The following RASSF3 variants were observed in gnomAD, a reference collection of about 807,000 sequenced individuals.
The protein encoded by RASSF3 is ras association domain-containing protein 3.
Under a neutral mutation model 19.9 loss-of-function variants are expected in RASSF3, and 19 were observed. The ratio of observed to expected loss-of-function variants is 0.96; its 90% CI spans 0.67 to 1.40. The LOEUF (loss-of-function observed/expected upper bound fraction) is 1.40, where lower values mean the gene tolerates loss of function less well. Among genes scored for constraint, RASSF3 ranks in the 40% most tolerant of loss-of-function variants. The pLI is 0.00. For missense variants in RASSF3, 306 were observed against 289.8 expected, an observed-to-expected ratio of 1.06 and a Z score of -0.41; for synonymous variants, 110 against 104.2, an observed-to-expected ratio of 1.06 and a Z score of -0.34.
intron 2 of RASSF3, among the ~76,000 whole-genome samples, chr12:64,590,773 A>T (rs1035543976): frequency 6.6e-6 from 1 of 152,186 alleles, no homozygotes; most frequent in Non-Finnish European, 1.5e-5. Context: ...GTAGTAGGTC[A>T]GCTGTGAGCA....
chr12:64,642,150 G>A (rs933835255), intron 1 of RASSF3, among the ~76,000 whole-genome samples: 1 of 152,094 alleles, frequency 6.6e-6, no homozygotes, highest in African/African-American at 2.4e-5. Flanking sequence ...TGTTCTGGTT[G>A]ACAGCTCACC....
At chr12:64,612,125 G>T (rs1452258290) in intron 1 of RASSF3, among the ~76,000 whole-genome samples, 1 of 152,130 alleles carries the variant, frequency 6.6e-6, no homozygotes, top group African/African-American at 2.4e-5. Flanking sequence ...AGTTGGAAAC[G>T]CCCTCTCCTC....
intron 1 of RASSF3, chr12:64,628,272 G>T (rs529006995): frequency 6.6e-6 from 1 of 152,182 alleles, no homozygotes; most frequent in South Asian, 2.1e-4. Flanking sequence ...TGTATATATT[G>T]CAGGAGTTAT....
At chr12:64,676,427 C>T (rs2136211872) in intron 1 of RASSF3, among the ~76,000 whole-genome samples, 1 of 150,662 alleles carries the variant, frequency 6.6e-6, no homozygotes, top group South Asian at 2.1e-4. Context: ...CCTTGGCCTC[C>T]CAAAGTGCTG....
chr12:64,578,465 G>A (rs529502491), intron 2 of RASSF3, among the ~76,000 whole-genome samples: 1 of 152,016 alleles, frequency 6.6e-6, no homozygotes, highest in South Asian at 2.1e-4. Context: ...ACCAGCCTAG[G>A]CAATATAGCA....
chr12:64,512,755 T>A (rs1212700246), intron 1 of RASSF3, among the ~76,000 whole-genome samples: 1 of 152,196 alleles, frequency 6.6e-6, no homozygotes, highest in Non-Finnish European at 1.5e-5. Context: ...AGGCAGACAG[T>A]CTAGCCCCTT....
At chr12:64,600,227 G>C (rs187882166) in intron 2 of RASSF3, among the ~76,000 whole-genome samples, 1 of 152,150 alleles carries the variant, frequency 6.6e-6, no homozygotes, top group African/African-American at 2.4e-5. Flanking sequence ...TGGAGGTAGA[G>C]GCAGGATTGC....
At chr12:64,530,295 C>G (rs932014635), upstream of RASSF3, among the ~76,000 whole-genome samples, 2 of 144,256 alleles carry the variant, frequency 1.4e-5, no homozygotes, top group Non-Finnish European at 3.0e-5. Context: ...GAATAGTATT[C>G]CAGTGCACAA....
chr12:64,514,200 T>TC (rs1473202392), intron 1 of RASSF3, among the ~76,000 whole-genome samples: 1 of 140,966 alleles, frequency 7.1e-6, no homozygotes, highest in East Asian at 2.1e-4. Flanking sequence ...TTTTTTTTTT[T>TC]TTTTTTTTTT....
At chr12:64,529,467 C>T (rs1403856713), upstream of RASSF3, among the ~76,000 whole-genome samples, 1 of 152,136 alleles carries the variant, frequency 6.6e-6, no homozygotes, top group Admixed American at 6.5e-5. Context: ...TCAATCAGAG[C>T]CAATCCTGGA....
chr12:64,585,092 G>T (rs953754025), intron 2 of RASSF3, among the ~76,000 whole-genome samples: 2 of 151,936 alleles, frequency 1.3e-5, no homozygotes, highest in Non-Finnish European at 2.9e-5. Context: ...CACCATGTTG[G>T]CCAGGATGGT....
chr12:64,620,009 G>C (rs12311754), intron 1 of RASSF3, among the ~76,000 whole-genome samples: 26,471 of 66,086 alleles, frequency 0.4, 2,703 homozygotes, highest in South Asian at 0.49. Context: ...ATTAGTGCAG[G>C]TTGACTGTGT....
Position 64,535,995 on chromosome 12 carries a change from CT to C in RASSF3, c.67+2682del, listed in dbSNP as rs11312626. 3.1e-3 allele frequency among the ~76,000 whole-genome samples: 324 copies of C among 104,474 alleles called. 1 individual carries two copies. The highest frequency in any genetic ancestry group is 0.02 in the East Asian group (67 of 3,388). The allele number at this position is 104,474 out of a possible 152,430, so 68.5% of individuals were successfully genotyped here. A position where few individuals can be genotyped will look rare whatever the true frequency, so the allele number is the denominator to read the frequency against. On this transcript the variant is annotated intron_variant, in intron 1 of 1. Transcript: ENST00000636333. Reference sequence around the variant, plus strand: ...AACCACCGCACCCAGCCTGTTTTCACTTTTTTTTTTTTTTTTTTTTTGAGAC... The same window carrying C: ...AACCACCGCACCCAGCCTGTTTTCACTTTTTTTTTTTTTTTTTTTTGAGAC...
At chr12:64,553,397 A>G (rs755003705) in intron 2 of RASSF3, among the ~76,000 whole-genome samples, 45 of 152,204 alleles carry the variant, frequency 3.0e-4, no homozygotes, top group Admixed American at 2.4e-3. Flanking sequence ...AAGTTTGCCA[A>G]TTGTGGTACT....
intron 2 of RASSF3, among the ~76,000 whole-genome samples, chr12:64,556,644 G>A (rs1056066300): frequency 4.6e-5 from 7 of 151,944 alleles, no homozygotes; most frequent in South Asian, 2.1e-4. Flanking sequence ...AGTTATGCTC[G>A]CCACAGCAGA....
intron 1 of RASSF3, among the ~76,000 whole-genome samples, chr12:64,511,536 G>T (rs570956501): frequency 6.6e-6 from 1 of 152,258 alleles, no homozygotes; most frequent in South Asian, 2.1e-4. Context: ...CATATAGGAT[G>T]AGCCCTAAGT....
Position 64,695,115 on chromosome 12 carries a change from C to T in RASSF3, c.*203C>T, listed in dbSNP as rs1167888808. On this transcript the variant is annotated 3_prime_UTR_variant, in exon 5 of 5. Transcript: ENST00000542104. The stretch of plus-strand genomic sequence containing the variant: ...TAAGGGACTCTGCAAGCTTGTTGTT[C>T]AGCACCGCAGTGTTACCTCTTGGCA... 1.9e-6 allele frequency: 1 copy of T among 531,866 alleles called. No homozygotes were observed. Among genetic ancestry groups the T allele is most frequent in the African/African-American group, 1.9e-5 (1 of 53,192 alleles). The allele number at this position is 531,866 out of a possible 1,614,324, so 32.9% of individuals were successfully genotyped here.
intron 2 of RASSF3, among the ~76,000 whole-genome samples, chr12:64,596,428 G>C (rs1188616856): frequency 6.6e-6 from 1 of 152,168 alleles, no homozygotes; most frequent in African/African-American, 2.4e-5. Flanking sequence ...GAAGAAAAGA[G>C]GTTTATTTGG....
At chr12:64,659,951 CGTGTGTGT>C (rs200835780) in intron 1 of RASSF3, among the ~76,000 whole-genome samples, 235 of 144,842 alleles carry the variant, frequency 1.6e-3, no homozygotes, top group Non-Finnish European at 1.9e-3. Flanking sequence ...TCATCTAATA[CGTGTGTGT>C]GTGTGTGTGT....
Sources: allele counts gnomAD v4.1 joint callset (sites outside exome capture counted in the v4.1 genomes callset), GRCh38; gene constraint gnomAD v4.1.1; transcripts MANE v1.5; gene names NCBI Gene and HGNC (gene_info 2026-07-23, HGNC 2026-07-21).